The following NXN variants were observed in gnomAD, a reference collection of about 807,000 sequenced individuals.
The protein encoded by NXN is nucleoredoxin, also known as nucleoredoxin 1.
In NXN, 16 loss-of-function variants were observed where a neutral mutation model predicts 48.6. The ratio of observed to expected loss-of-function variants is 0.33; its 90% CI spans 0.22 to 0.50. The LOEUF (loss-of-function observed/expected upper bound fraction) is 0.50. Ranked by LOEUF, NXN falls within the 20% of genes least tolerant of loss-of-function variation. The probability of loss-of-function intolerance (pLI) is 0.98; values close to 1 mark genes in which losing one functional copy is unlikely to be tolerated. For synonymous variants in NXN, 281 were observed against 269.6 expected, an observed-to-expected ratio of 1.04 and a Z score of -0.41; for missense variants, 492 against 605.5, an observed-to-expected ratio of 0.81 and a Z score of 1.97.
intron 1 of NXN, among the ~76,000 whole-genome samples, chr17:889,751 G>C (rs991373599): frequency 1.2e-5 from 1 of 84,116 alleles, no homozygotes; most frequent in African/African-American, 5.8e-5. Flanking sequence ...AAGAAAGAAA[G>C]AAAGAAAGAA....
intron 7 of NXN, among the ~76,000 whole-genome samples, chr17:801,817 C>G (rs678008): frequency 0.52 from 78,999 of 152,086 alleles, 21,627 homozygotes; most frequent in East Asian, 0.78. Context: ...TGTGGGTTAT[C>G]TGAGGCCAAT....
chr17:854,464 C>A (rs188648307), intron 1 of NXN, among the ~76,000 whole-genome samples: 3 of 149,028 alleles, frequency 2.0e-5, no homozygotes, highest in Non-Finnish European at 3.0e-5. Context: ...CTGGCTAACA[C>A]GGTGAAACCC....
chr17:825,945 C>T lies in NXN; in HGVS notation c.478+16G>A, dbSNP rs201002359. On this transcript the variant is annotated intron_variant, in intron 2 of 7. Transcript: ENST00000336868. This position sits in a 1 kb window ranked among gnomAD's most constrained non-coding sequence, Gnocchi z 4.1. ...CTGGGTAATAAGAGGACCATATGCA[C>T]GGGCTGAGGTTTTACCTTCTGGGTC... 40 of 1,545,246 alleles carry T rather than the reference C, an allele frequency of 2.6e-5. No individual in the cohort carries two copies. The highest frequency in any genetic ancestry group is 2.3e-4 in the African/African-American group (17 of 73,544).
chr17:902,775 C>T (rs1379125694), intron 1 of NXN, among the ~76,000 whole-genome samples: 1 of 150,300 alleles, frequency 6.7e-6, no homozygotes, highest in African/African-American at 2.5e-5. Flanking sequence ...GGCCTCTGCC[C>T]ATCATTCTTT....
At chr17:911,266 G>C (rs939480529) in intron 1 of NXN, 2 of 150,080 alleles carry the variant, frequency 1.3e-5, no homozygotes, top group Non-Finnish European at 3.0e-5. Flanking sequence ...TAATTTTAAA[G>C]AAATGACATC....
chr17:816,557 G>A (rs190928163), intron 5 of NXN, among the ~76,000 whole-genome samples: 61 of 152,156 alleles, frequency 4.0e-4, no homozygotes, highest in Non-Finnish European at 6.6e-4. Context: ...TCTCCCCGAC[G>A]AGGCCAAATC....
rs2068701142 is a variant in NXN, at chr17:917,581, T to C, written c.360+61738A>G. 6.6e-6 allele frequency among the ~76,000 whole-genome samples: 1 copy of C among 152,208 alleles called. No individual in the cohort carries two copies. The highest frequency in any genetic ancestry group is 1.5e-5 in the Non-Finnish European group (1 of 68,040). On this transcript the variant is annotated intron_variant, in intron 1 of 7. Coordinates refer to ENST00000336868, the MANE Select transcript of NXN (RefSeq NM_022463.5). This position sits in a 1 kb window ranked among gnomAD's most constrained non-coding sequence, Gnocchi z 4.5. ...TTTATCTCCACCCACTCTTTGAACT[T>C]AGCACTGGTGTCTACAGGCTCGATT... is the stretch of plus-strand genomic sequence containing the variant.
At chr17:974,131 C>T (rs1181949303) in intron 1 of NXN, among the ~76,000 whole-genome samples, 1 of 151,652 alleles carries the variant, frequency 6.6e-6, no homozygotes, top group African/African-American at 2.4e-5. Context: ...GGGCGGATCA[C>T]GAGGTCGGGA....
chr17:823,512 G>A (rs1330097393), intron 3 of NXN, 120 bp downstream of exon 3: 1 of 1,131,350 alleles, frequency 8.8e-7, no homozygotes, highest in East Asian at 2.4e-5. Flanking sequence ...CACAGGAGAA[G>A]GCCAGAAGGC....
At chr17:950,829 G>A (rs1022948940) in intron 1 of NXN, among the ~76,000 whole-genome samples, 2 of 151,586 alleles carry the variant, frequency 1.3e-5, no homozygotes, top group Non-Finnish European at 2.9e-5. Context: ...ACGAAATGGC[G>A]AAGTGTTTGG....
Position 902,574 on chromosome 17 carries a change from G to A in NXN, c.361-76496C>T, listed in dbSNP as rs1187424735. ...AAGGCAACTGTCACTCAGTGGCAAT[G>A]CCACTGGCTTTCTAGGACTTACTTT... is the stretch of plus-strand genomic sequence containing the variant. On this transcript the variant is annotated intron_variant, in intron 1 of 7. Transcript: ENST00000336868. Among the ~76,000 whole-genome samples, 3 of 152,256 alleles carry A rather than the reference G, an allele frequency of 2.0e-5. No homozygotes were observed. The East Asian group carries it at 5.8e-4, about 29-fold the overall frequency.
At chr17:839,230 T>A (rs1313042365) in intron 1 of NXN, among the ~76,000 whole-genome samples, 3 of 150,834 alleles carry the variant, frequency 2.0e-5, no homozygotes, top group East Asian at 2.0e-4. Context: ...AGGTCAGGAG[T>A]TCAAGACCAG....
intron 1 of NXN, among the ~76,000 whole-genome samples, chr17:918,395 C>T (rs2068711063): frequency 6.6e-6 from 1 of 152,190 alleles, no homozygotes. Context: ...TCATCTCCTT[C>T]GTGAACTGGG....
intron 1 of NXN, among the ~76,000 whole-genome samples, chr17:933,174 G>A (rs1187400566): frequency 1.4e-5 from 2 of 140,080 alleles, no homozygotes; most frequent in African/African-American, 2.8e-5. Flanking sequence ...CTCCAGATTT[G>A]CAGTTACCAC....
chr17:865,759 A>G (rs183271378), intron 1 of NXN, among the ~76,000 whole-genome samples: 41 of 150,706 alleles, frequency 2.7e-4, no homozygotes, highest in African/African-American at 9.5e-4. Flanking sequence ...CGAGGTGGGC[A>G]GATCACTTGA....
intron 1 of NXN, among the ~76,000 whole-genome samples, chr17:882,583 A>C (rs972910510): frequency 6.6e-6 from 1 of 151,706 alleles, no homozygotes; most frequent in Non-Finnish European, 1.5e-5. Context: ...CTCCTGCCTC[A>C]GCCTCCCATG....
intron 1 of NXN, among the ~76,000 whole-genome samples, chr17:965,251 C>T (rs333629): frequency 0.13 from 19,568 of 152,116 alleles, 3,730 homozygotes; most frequent in African/African-American, 0.42. Flanking sequence ...ACCAGCAACC[C>T]ACCGACGGAG....
At chr17:862,829 G>A (rs952625958) in intron 1 of NXN, among the ~76,000 whole-genome samples, 6 of 152,162 alleles carry the variant, frequency 3.9e-5, no homozygotes, top group Admixed American at 1.3e-4. Flanking sequence ...ATGTAATCAC[G>A]AGGGAACCAT....
At chr17:882,749 G>C (rs2144840842) in intron 1 of NXN, among the ~76,000 whole-genome samples, 1 of 150,408 alleles carries the variant, frequency 6.6e-6, no homozygotes, top group East Asian at 2.0e-4. Context: ...ATAGGCGTTA[G>C]CCACCGCACC....
Sources: gnomAD v4.1 joint callset for allele counts (sites outside exome capture counted in the v4.1 genomes callset) on GRCh38, gnomAD v4.1.1 for gene constraint, Gnocchi (gnomAD v3.1) non-coding constraint, MANE v1.5 for transcripts, NCBI Gene and HGNC (gene_info 2026-07-23, HGNC 2026-07-21) for gene names.